Variants in VAMP5 observed in about 807,000 individuals in gnomAD.
VAMP5 encodes the protein vesicle associated membrane protein 5, also known as vesicle-associated membrane protein 5.
A neutral mutation model predicts 8.1 loss-of-function variants in VAMP5; 10 were observed. That is an observed-to-expected ratio of 1.23 (90% CI 0.76 to 2.09). VAMP5 has a LOEUF of 2.09. VAMP5 is among the 30% of genes most tolerant of loss of function. The probability of loss-of-function intolerance (pLI) is 0.00; values close to 1 mark genes in which losing one functional copy is unlikely to be tolerated. For synonymous variants in VAMP5, 62 were observed against 60.6 expected, an observed-to-expected ratio of 1.02 and a Z score of -0.11; for missense variants, 135 against 152.5, an observed-to-expected ratio of 0.89 and a Z score of 0.60.
Position 85,591,877 on chromosome 2 carries a change from G to A in VAMP5, c.141+15G>A, listed in dbSNP as rs1672544836. ...TCCTGGATATGGTGTGAGGCCTGGG[G>A]GAGCATGGAGGGGAGGGGAGAGGAT... On this transcript the variant is annotated intron_variant, in intron 2 of 2. Transcript: ENST00000306384. The A allele has an allele frequency of 6.2e-7, 1 of 1,614,066 alleles. No homozygotes were observed. The highest frequency in any genetic ancestry group is 1.3e-5 in the African/African-American group (1 of 75,038).
intron 1 of VAMP5, among the ~76,000 whole-genome samples, chr2:85,586,876 C>A (rs1672468883): frequency 6.6e-6 from 1 of 152,056 alleles, no homozygotes; most frequent in Admixed American, 6.5e-5. Flanking sequence ...GAGTTCGAGA[C>A]CACCCTGGCT....
chr2:85,593,128 G>A lies in VAMP5; in HGVS notation c.322G>A (p.Ala108Thr), dbSNP rs776096091. 4 of 1,614,212 alleles carry A rather than the reference G, an allele frequency of 2.5e-6. No individual in the cohort carries two copies. In the South Asian group the frequency reaches 4.4e-5, roughly 18 times the overall value. ...CAGTAGTGCCCCACGGACCCAGGAT[G>A]CAGGCATTGCCTCAGGGCCTGGGAA... ...DSSSAPRTQD[A>T]GIASGPGN Residue 108 changes from alanine (A) to threonine (T), a missense_variant, in exon 3 of 3, where the codon GCA becomes ACA. Transcript: ENST00000306384.
intron 1 of VAMP5, among the ~76,000 whole-genome samples, chr2:85,585,333 T>G (rs943046422): frequency 1.3e-5 from 2 of 152,042 alleles, no homozygotes; most frequent in African/African-American, 4.8e-5. Context: ...CCTGGGAAAA[T>G]GGACTGGGCA....
rs532665732 is a variant in VAMP5 at position 85,587,565 on chromosome 2, C to G, written c.3+3072C>G. Among the ~76,000 whole-genome samples, 8 of 150,442 alleles carry G rather than the reference C, an allele frequency of 5.3e-5. No homozygotes were observed. In the South Asian group the frequency reaches 1.7e-3, roughly 32 times the overall value. On this transcript the variant is annotated intron_variant, in intron 1 of 2. Transcript: ENST00000306384. ...CCACACCTGGCCATATTGTACAATT[C>G]TTGAGATCTGACTGCTAAAAAAAAA...
intron 1 of VAMP5, among the ~76,000 whole-genome samples, chr2:85,590,786 G>A (rs1672527928): frequency 6.6e-6 from 1 of 152,166 alleles, no homozygotes; most frequent in South Asian, 2.1e-4. Flanking sequence ...CTGCTCCTAG[G>A]CTTCTGGCTT....
At chr2:85,586,048 G>C (rs1035711492) in intron 1 of VAMP5, among the ~76,000 whole-genome samples, 2 of 152,194 alleles carry the variant, frequency 1.3e-5, no homozygotes, top group Non-Finnish European at 2.9e-5. Flanking sequence ...CAAAGAATGT[G>C]TGTGTTGAGC....
rs749896093 is a variant in VAMP5 at position 85,593,014 on chromosome 2, C to T, written c.208C>T (p.Arg70Trp). 50 of 1,614,024 alleles carry T rather than the reference C, an allele frequency of 3.1e-5. No homozygotes were observed. The Admixed American group carries it at 4.0e-4, about 13-fold the overall frequency. ...GAAGTGCTGGGAGAACATCCGTTAC[C>T]GGATCTGCGTGGGGCTGGTGGTGGT... ...QKKCWENIRY[R>W]ICVGLVVVGV... The change falls in exon 3 of 3, where the codon CGG (arginine) becomes TGG (tryptophan). Residue 70 changes from arginine (R) to tryptophan (W), a missense_variant. Coordinates refer to ENST00000306384, the MANE Select transcript of VAMP5 (RefSeq NM_006634.3).
intron 1 of VAMP5, among the ~76,000 whole-genome samples, chr2:85,586,788 G>A (rs1672466748): frequency 2.0e-5 from 3 of 150,598 alleles, no homozygotes; most frequent in Non-Finnish European, 4.4e-5. Flanking sequence ...TAAACTAGAT[G>A]CAGCCGGGCG....
Position 85,584,494 on chromosome 2 carries a change from G to A in VAMP5, c.3+1G>A. 8.1e-7 allele frequency: 1 copy of A among 1,241,978 alleles called. No individual in the cohort carries two copies. The highest frequency in any genetic ancestry group is 1.0e-6 in the Non-Finnish European group (1 of 993,860). The allele number at this position is 1,241,978 out of a possible 1,614,324, so 76.9% of individuals were successfully genotyped here. On this transcript the variant is annotated splice_donor_variant, in intron 1 of 2. Transcript: ENST00000306384. LOFTEE classifies it high-confidence loss of function. ...CGAGGCGGCGGCGGCAGCAGCGATG[G>A]TGAGGGCCCAGGCGGGGCCGGCCAG...
chr2:85,585,382 A>C (rs1164978826), intron 1 of VAMP5, among the ~76,000 whole-genome samples: 1 of 152,226 alleles, frequency 6.6e-6, no homozygotes, highest in Non-Finnish European at 1.5e-5. Flanking sequence ...GCCTTGGAGA[A>C]ACTGACAGAG....
Position 85,584,977 on chromosome 2 carries a change from C to T in VAMP5, c.3+484C>T, listed in dbSNP as rs562132670. ...TGCTAAGAAGTGGTAGGAAATGTAA[C>T]GACCTCGTCAGCCCTTTCCGCAGCT... On this transcript the variant is annotated intron_variant, in intron 1 of 2. Transcript: ENST00000306384. Among the ~76,000 whole-genome samples, 331 of 152,354 alleles carry T rather than the reference C, an allele frequency of 2.2e-3. 4 individuals are homozygous for T. Among genetic ancestry groups the T allele is most frequent in the African/African-American group, 7.5e-3 (313 of 41,590 alleles).
At chr2:85,591,677 G>A (rs565807420) in intron 1 of VAMP5, 48 bp from the exon 2 acceptor site, 1 of 1,612,684 alleles carries the variant, frequency 6.2e-7, no homozygotes, top group South Asian at 1.1e-5. Context: ...GGCAGATGAG[G>A]GCCAGGTGGG....
At position 85,593,073 on chromosome 2, in the gene VAMP5, G is replaced by T. The variant is rs745878339; in HGVS notation, c.267G>T (p.Leu89=). 1.2e-6 allele frequency: 2 copies of T among 1,614,196 alleles called. No individual in the cohort carries two copies. Among genetic ancestry groups the T allele is most frequent in the Non-Finnish European group, 1.7e-6 (2 of 1,180,028 alleles). The change falls in exon 3 of 3, where the codon CTG becomes CTT. Residue 89 remains leucine, a synonymous_variant. Coordinates refer to ENST00000306384, the MANE Select transcript of VAMP5 (RefSeq NM_006634.3). The part of the protein sequence containing the change: ...GVLLIILIVL[L]VVFLPQSSDS... ...TGCTCATCATCCTGATTGTGCTGCT[G>T]GTCGTCTTTCTCCCTCAGAGCAGTG...
At chr2:85,590,631 T>C (rs753082187) in intron 1 of VAMP5, among the ~76,000 whole-genome samples, 5 of 152,190 alleles carry the variant, frequency 3.3e-5, no homozygotes, top group Non-Finnish European at 5.9e-5. Flanking sequence ...TTGTAGACAA[T>C]GGGTGACGTG....
chr2:85,589,335 G>C (rs753273022), intron 1 of VAMP5, among the ~76,000 whole-genome samples: 4 of 152,088 alleles, frequency 2.6e-5, no homozygotes, highest in Non-Finnish European at 5.9e-5. Context: ...GGCCAAGGAG[G>C]GCCCGAGACT....
chr2:85,593,130 A>G lies in VAMP5; in HGVS notation c.324A>G (p.Ala108=). 6.2e-7 allele frequency: 1 copy of G among 1,614,192 alleles called. No individual in the cohort carries two copies. Among genetic ancestry groups the G allele is most frequent in the East Asian group, 2.2e-5 (1 of 44,882 alleles). Residue 108 remains alanine (A), a synonymous_variant, in exon 3 of 3, where the codon GCA becomes GCG. Transcript: ENST00000306384. The part of the protein sequence containing the change: ...DSSSAPRTQD[A]GIASGPGN ...GTAGTGCCCCACGGACCCAGGATGC[A>G]GGCATTGCCTCAGGGCCTGGGAACT...
chr2:85,587,399 G>A (rs984174281), intron 1 of VAMP5, among the ~76,000 whole-genome samples: 10 of 151,656 alleles, frequency 6.6e-5, no homozygotes, highest in African/African-American at 2.4e-4. Context: ...GATTACAGGT[G>A]CCCGCCACCA....
chr2:85,586,838 G>A (rs540769382), intron 1 of VAMP5, among the ~76,000 whole-genome samples: 1 of 152,262 alleles, frequency 6.6e-6, no homozygotes, highest in East Asian at 1.9e-4. Context: ...TTGAGAGAGA[G>A]GCCAAGCCAG....
In VAMP5 at chr2:85,591,520, G is replaced by A. The variant is rs115730421; in HGVS notation, c.4-205G>A. The A allele has an allele frequency of 2.8e-3, 1,873 of 677,934 alleles. 6 individuals carry two copies. The highest frequency in any genetic ancestry group is 3.5e-3 in the Non-Finnish European group (1,475 of 417,598). 42.0% of individuals were successfully genotyped at this position (677,934 alleles called of 1,614,324 possible). ...CTAGGCCCTGCCTTGACGTGCAAGGGGAGGAGCCTGTGAGACTTAAGGTGT... is the reference window on the plus strand; with the variant it reads ...CTAGGCCCTGCCTTGACGTGCAAGGAGAGGAGCCTGTGAGACTTAAGGTGT... On this transcript the variant is annotated intron_variant, in intron 1 of 2. Coordinates refer to ENST00000306384, the MANE Select transcript of VAMP5 (RefSeq NM_006634.3).
Sources: gnomAD v4.1 joint callset for allele counts (sites outside exome capture counted in the v4.1 genomes callset) on GRCh38, gnomAD v4.1.1 for gene constraint, MANE v1.5 for transcripts, NCBI Gene and HGNC (gene_info 2026-07-23, HGNC 2026-07-21) for gene names.